The following CHN2 variants were observed in gnomAD, a reference collection of about 807,000 sequenced individuals.
CHN2 encodes chimerin 2.
CHN2 carries 35 observed loss-of-function variants against 56.3 expected under a neutral mutation model. That is an observed-to-expected ratio of 0.62 (90% CI 0.47 to 0.82). The LOEUF (loss-of-function observed/expected upper bound fraction) is 0.82, where lower values mean the gene tolerates loss of function less well. Ranked by LOEUF, CHN2 falls within the 40% of genes least tolerant of loss-of-function variation. The pLI, the probability that CHN2 is intolerant of heterozygous loss-of-function variation, is 0.00. For synonymous variants in CHN2, 210 were observed against 212.8 expected, an observed-to-expected ratio of 0.99 and a Z score of 0.12; for missense variants, 491 against 580.5, an observed-to-expected ratio of 0.85 and a Z score of 1.58.
intron 6 of CHN2, among the ~76,000 whole-genome samples, chr7:29,477,993 C>A (rs1427585693): frequency 1.3e-5 from 2 of 152,284 alleles, no homozygotes; most frequent in African/African-American, 2.4e-5. Flanking sequence ...ACAGTGAGTT[C>A]TCAGTGTGGC....
intron 1 of CHN2, among the ~76,000 whole-genome samples, chr7:29,248,693 T>A (rs1397267014): frequency 6.6e-6 from 1 of 152,180 alleles, no homozygotes; most frequent in African/African-American, 2.4e-5. Flanking sequence ...AGATTCTTAC[T>A]TTTTTCCCAG....
intron 1 of CHN2, chr7:29,334,517 G>A (rs77400838): frequency 0.27 from 40,384 of 151,974 alleles, 5,941 homozygotes; most frequent in African/African-American, 0.4. Flanking sequence ...CAATTTGGAA[G>A]CCCAAGGTGG....
At chr7:29,237,556 A>G (rs1787293791) in intron 1 of CHN2, among the ~76,000 whole-genome samples, 1 of 152,244 alleles carries the variant, frequency 6.6e-6, no homozygotes, top group African/African-American at 2.4e-5. Context: ...GAAAAAATTT[A>G]AAGCATCTCA....
chr7:29,436,537 A>G (rs571534367), intron 6 of CHN2, among the ~76,000 whole-genome samples: 1 of 152,244 alleles, frequency 6.6e-6, no homozygotes, highest in South Asian at 2.1e-4. Flanking sequence ...CAGCTTGGCT[A>G]TGTGAAGGGC....
At chr7:29,496,122 G>A (rs2128569873) in intron 8 of CHN2, 86 bp downstream of exon 8, 1 of 1,055,434 alleles carries the variant, frequency 9.5e-7, no homozygotes, top group South Asian at 1.7e-5. Flanking sequence ...TGGGAAATGT[G>A]CTCAGATTAG....
intron 6 of CHN2, among the ~76,000 whole-genome samples, chr7:29,437,380 C>T (rs1187965929): frequency 1.2e-5 from 1 of 85,382 alleles, no homozygotes; most frequent in Non-Finnish European, 2.3e-5. Flanking sequence ...GGGCGGATCA[C>T]GAGGTCAGGA....
chr7:29,195,630 G>GAGAGAGAGAC, intron 1 of CHN2, among the ~76,000 whole-genome samples: 1 of 82,814 alleles, frequency 1.2e-5, no homozygotes, highest in South Asian at 4.4e-4. Context: ...GAGAGAGAGA[G>GAGAGAGAGAC]TGTGTGTGTG....
At chr7:29,503,896 C>T (rs1562669113) in intron 9 of CHN2, among the ~76,000 whole-genome samples, 1 of 152,180 alleles carries the variant, frequency 6.6e-6, no homozygotes. Flanking sequence ...TTTATCCCTG[C>T]TCATACTTTT....
intron 3 of CHN2, among the ~76,000 whole-genome samples, chr7:29,385,027 C>T (rs1370432021): frequency 1.3e-5 from 2 of 152,140 alleles, no homozygotes; most frequent in Non-Finnish European, 2.9e-5. Flanking sequence ...AGTTTAACCT[C>T]GTTTAAAATT....
intron 4 of CHN2, among the ~76,000 whole-genome samples, chr7:29,394,128 G>A (rs1801557990): frequency 6.6e-6 from 1 of 152,014 alleles, no homozygotes; most frequent in Admixed American, 6.6e-5. Flanking sequence ...GTCAGGATAG[G>A]CATCCCACTT....
At chr7:29,325,622 C>T (rs1229351940) in intron 1 of CHN2, among the ~76,000 whole-genome samples, 1 of 152,204 alleles carries the variant, frequency 6.6e-6, no homozygotes, top group Non-Finnish European at 1.5e-5. Flanking sequence ...TACTTTGAAA[C>T]ATAATACAAC....
intron 6 of CHN2, among the ~76,000 whole-genome samples, chr7:29,403,455 G>A (rs2285848): frequency 0.43 from 65,536 of 151,896 alleles, 16,195 homozygotes; most frequent in East Asian, 0.57. Context: ...CTTAAATTTC[G>A]TTTTCTCATT....
At chr7:29,315,377 A>G (rs1383887651) in intron 1 of CHN2, among the ~76,000 whole-genome samples, 3 of 152,246 alleles carry the variant, frequency 2.0e-5, no homozygotes, top group Admixed American at 6.5e-5. Flanking sequence ...TTGCTGAATC[A>G]TGAGTCCTAA....
In CHN2 at chr7:29,212,187, T is replaced by C. The variant is rs917148748; in HGVS notation, c.49+17197T>C. On this transcript the variant is annotated intron_variant, in intron 1 of 12. Coordinates refer to ENST00000222792, the MANE Select transcript of CHN2 (RefSeq NM_004067.4). Reference sequence around the variant, plus strand: ...TCACTTCATCCCAACTTCTTGATACTTTTGCTTCTGGAAGTCATATTTCTC... The same window carrying C: ...TCACTTCATCCCAACTTCTTGATACCTTTGCTTCTGGAAGTCATATTTCTC... 4.9e-6 allele frequency: 3 copies of C among 609,212 alleles called. No individual in the cohort carries two copies. In the Admixed American group the frequency reaches 8.7e-5, roughly 18 times the overall value. 37.7% of individuals were successfully genotyped at this position (609,212 alleles called of 1,614,324 possible). A position where few individuals can be genotyped will look rare whatever the true frequency, so the allele number is the denominator to read the frequency against.
At chr7:29,298,054 G>A (rs535344321) in intron 1 of CHN2, among the ~76,000 whole-genome samples, 3 of 152,256 alleles carry the variant, frequency 2.0e-5, no homozygotes, top group African/African-American at 4.8e-5. Flanking sequence ...TGGTGACTTC[G>A]GCAGGCACCA....
intron 2 of CHN2, among the ~76,000 whole-genome samples, chr7:29,365,725 T>C (rs531963631): frequency 2.5e-4 from 38 of 152,150 alleles, no homozygotes; most frequent in South Asian, 6.2e-4. Context: ...ATGGTAACAC[T>C]GTAGAAGGAG....
intron 1 of CHN2, among the ~76,000 whole-genome samples, chr7:29,320,944 A>G (rs987658677): frequency 2.6e-5 from 4 of 152,200 alleles, no homozygotes; most frequent in African/African-American, 7.2e-5. Context: ...ATCACTTAAA[A>G]TGAGGTCCAA....
chr7:29,188,205 GACACTATATT>G (rs1421142738), intron 2 of CHN2, among the ~76,000 whole-genome samples: 1 of 152,144 alleles, frequency 6.6e-6, no homozygotes, highest in African/African-American at 2.4e-5. Flanking sequence ...TTATGCTTTA[GACACTATATT>G]ACATCTATCA....
chr7:29,272,470 A>T (rs1790736440), intron 1 of CHN2, among the ~76,000 whole-genome samples: 1 of 152,192 alleles, frequency 6.6e-6, no homozygotes, highest in Non-Finnish European at 1.5e-5. Flanking sequence ...ATTTGGGGCA[A>T]GGCAGGCAAT....
Sources: allele counts gnomAD v4.1 joint callset (sites outside exome capture counted in the v4.1 genomes callset), GRCh38; gene constraint gnomAD v4.1.1; transcripts MANE v1.5; gene names NCBI Gene and HGNC (gene_info 2026-07-23, HGNC 2026-07-21).